The following RIGI variants were observed in gnomAD, a reference collection of about 807,000 sequenced individuals.
RIGI encodes the protein antiviral innate immune response receptor RIG-I.
At chr9:32,481,532 T>C in the RIGI span, 1 of 1,420,454 alleles carries the variant, frequency 7.0e-7, no homozygotes, top group African/African-American at 1.4e-5. Context: ...TTTCACTGTC[T>C]CATATGGTCA....
chr9:32,459,231 T>C, the RIGI span: 5 of 1,092,142 alleles, frequency 4.6e-6, no homozygotes, highest in East Asian at 1.3e-4. Flanking sequence ...TTTTTTTCAC[T>C]TCTTAGCTTT....
the RIGI span, chr9:32,500,829 A>G: frequency 3.1e-6 from 5 of 1,614,190 alleles, no homozygotes; most frequent in Admixed American, 8.3e-5. Context: ...GCATCCAAAA[A>G]GCCACGGAAC....
chr9:32,512,743 T>G, the RIGI span, among the ~76,000 whole-genome samples: 1 of 152,120 alleles, frequency 6.6e-6, no homozygotes, highest in Non-Finnish European at 1.5e-5. Context: ...GAGAAAGAAA[T>G]AAAGGGTATT....
At chr9:32,493,746 T>C in the RIGI span, 1 of 1,497,784 alleles carries the variant, frequency 6.7e-7, no homozygotes. Flanking sequence ...ATTTTAGTAT[T>C]TTATATTAAC....
At chr9:32,472,777 A>G in the RIGI span, among the ~76,000 whole-genome samples, 1 of 152,210 alleles carries the variant, frequency 6.6e-6, no homozygotes, top group Admixed American at 6.5e-5. Flanking sequence ...CACCTCTCAT[A>G]TATATGTATA....
At chr9:32,472,804 GCTTC>G in the RIGI span, among the ~76,000 whole-genome samples, 7 of 152,162 alleles carry the variant, frequency 4.6e-5, no homozygotes, top group African/African-American at 1.7e-4. Flanking sequence ...TACTGCTTTT[GCTTC>G]TGTGGTTAAA....
chr9:32,463,657 TCAAC>T, the RIGI span, among the ~76,000 whole-genome samples: 1 of 152,008 alleles, frequency 6.6e-6, no homozygotes, highest in Non-Finnish European at 1.5e-5. Context: ...GTAAAGAGGC[TCAAC>T]CAATCATAAG....
At chr9:32,470,926 A>C in the RIGI span, among the ~76,000 whole-genome samples, 1 of 152,366 alleles carries the variant, frequency 6.6e-6, no homozygotes, top group South Asian at 2.1e-4. Context: ...TGAAGAAAAT[A>C]CTTCAGTGGT....
chr9:32,499,686 C>T, the RIGI span, among the ~76,000 whole-genome samples: 18 of 152,086 alleles, frequency 1.2e-4, no homozygotes, highest in African/African-American at 4.3e-4. Context: ...AAACTCCTGA[C>T]GTCAGGTAAT....
chr9:32,491,854 T>C, the RIGI span, among the ~76,000 whole-genome samples: 1 of 152,094 alleles, frequency 6.6e-6, no homozygotes, highest in Non-Finnish European at 1.5e-5. Context: ...CTAGGAAAGC[T>C]AAGACCAGAT....
the RIGI span, chr9:32,526,166 T>C: frequency 1.2e-6 from 2 of 1,611,084 alleles, no homozygotes; most frequent in East Asian, 2.2e-5. Context: ...TCGGTGGTCA[T>C]GCCGGCCTCT....
chr9:32,489,368 T>C, the RIGI span: 2 of 1,612,732 alleles, frequency 1.2e-6, no homozygotes, highest in African/African-American at 1.3e-5. Flanking sequence ...ATTATTGTGT[T>C]TTTTCCTTTC....
the RIGI span, chr9:32,492,604 T>G: frequency 6.4e-7 from 1 of 1,569,430 alleles, no homozygotes; most frequent in Non-Finnish European, 8.8e-7. Flanking sequence ...CAATTTTTAC[T>G]GAAGAAATGT....
chr9:32,459,559 A>G, the RIGI span: 16 of 1,575,518 alleles, frequency 1.0e-5, no homozygotes. Flanking sequence ...AGTACAACAT[A>G]TATAGCAAGA....
the RIGI span, among the ~76,000 whole-genome samples, chr9:32,523,438 C>T: frequency 2.1e-4 from 32 of 152,258 alleles, no homozygotes; most frequent in Middle Eastern, 3.4e-3. Context: ...TTTTTCTCCT[C>T]CTCCTGCAAA....
chr9:32,510,642 T>C, the RIGI span, among the ~76,000 whole-genome samples: 2 of 152,186 alleles, frequency 1.3e-5, no homozygotes, highest in African/African-American at 4.8e-5. Flanking sequence ...CATACCAAAT[T>C]GTAAAGACCA....
the RIGI span, chr9:32,491,158 A>C: frequency 2.0e-3 from 1,781 of 874,896 alleles, 3 homozygotes; most frequent in Admixed American, 2.6e-3. Context: ...AAAAGTATCT[A>C]TTGTAACATA....
At chr9:32,488,513 C>T in the RIGI span, among the ~76,000 whole-genome samples, 1 of 152,100 alleles carries the variant, frequency 6.6e-6, no homozygotes, top group South Asian at 2.1e-4. Context: ...CAAATTTATT[C>T]CTGAAGTCAT....
the RIGI span, among the ~76,000 whole-genome samples, chr9:32,461,047 A>AAAAATCTTGAAATCAGCCAG: frequency 1.7e-3 from 10 of 5,844 alleles, no homozygotes; most frequent in African/African-American, 3.7e-3. Flanking sequence ...GCAGCCAGAA[A>AAAAATCTTGAAATCAGCCAG]AAAAAAAAAA....
Sources: allele counts gnomAD v4.1 joint callset (sites outside exome capture counted in the v4.1 genomes callset), GRCh38; gene constraint gnomAD v4.1.1; transcripts MANE v1.5; gene names NCBI Gene and HGNC (gene_info 2026-07-23, HGNC 2026-07-21).